EPHA5: variants seen among roughly 807,000 people sequenced by gnomAD.
The protein encoded by EPHA5 is ephrin type-A receptor 5.
EPHA5 carries 60 observed loss-of-function variants against 105.0 expected under a neutral mutation model. The ratio of observed to expected loss-of-function variants is 0.57; its 90% confidence interval spans 0.46 to 0.71. The LOEUF (loss-of-function observed/expected upper bound fraction) is 0.71, where lower values mean the gene tolerates loss of function less well. EPHA5 is among the 30% of genes least tolerant of loss of function. The pLI is 0.00. For missense variants in EPHA5, 1,218 were observed against 1,274.7 expected (o/e 0.96, Z 0.68); for synonymous variants, 513 against 449.1 (o/e 1.14, Z -1.80).
At chr4:65,409,008 CA>C (rs1254636372) in intron 7 of EPHA5, among the ~76,000 whole-genome samples, 3 of 52,348 alleles carry the variant, frequency 5.7e-5, no homozygotes, top group African/African-American at 1.5e-4. Flanking sequence ...ACTATGCAGC[CA>C]TAAAAAAAGG....
At chr4:65,606,369 G>C (rs1273848896) in intron 2 of EPHA5, among the ~76,000 whole-genome samples, 1 of 151,870 alleles carries the variant, frequency 6.6e-6, no homozygotes, top group Non-Finnish European at 1.5e-5. Context: ...CCACTAATTT[G>C]GAATAATTCA....
At chr4:65,464,559 T>C (rs1369719285) in intron 5 of EPHA5, among the ~76,000 whole-genome samples, 1 of 152,124 alleles carries the variant, frequency 6.6e-6, no homozygotes, top group Non-Finnish European at 1.5e-5. Context: ...AAATAATTAC[T>C]GGTAAGATTG....
intron 13 of EPHA5, among the ~76,000 whole-genome samples, chr4:65,348,802 T>TAC (rs1722523256): frequency 3.3e-5 from 2 of 60,008 alleles, no homozygotes; most frequent in African/African-American, 5.7e-5. Flanking sequence ...TGTATATATA[T>TAC]ATATATATAT....
At chr4:65,579,381 T>A (rs1285821407) in intron 3 of EPHA5, among the ~76,000 whole-genome samples, 22 of 136,774 alleles carry the variant, frequency 1.6e-4, no homozygotes, top group African/African-American at 5.9e-4. Context: ...TATATAAATA[T>A]ATATATATAA....
At chr4:65,564,036 G>T (rs1578433348) in intron 3 of EPHA5, among the ~76,000 whole-genome samples, 2 of 151,918 alleles carry the variant, frequency 1.3e-5, no homozygotes, top group East Asian at 3.9e-4. Flanking sequence ...ATCATCTGTT[G>T]TTCAGCCAAC....
intron 3 of EPHA5, among the ~76,000 whole-genome samples, chr4:65,531,020 T>A (rs1182225798): frequency 1.5e-5 from 2 of 135,432 alleles, no homozygotes; most frequent in Non-Finnish European, 3.2e-5. Flanking sequence ...TTTTTATTTT[T>A]TTTATTTTTT....
intron 5 of EPHA5, among the ~76,000 whole-genome samples, chr4:65,473,885 C>CT (rs35439573): frequency 0.68 from 98,703 of 144,312 alleles, 33,843 homozygotes; most frequent in East Asian, 0.83. Flanking sequence ...TTTGTAAGGG[C>CT]TTTTTTTTTT....
At chr4:65,583,427 C>T (rs1385322568) in intron 3 of EPHA5, among the ~76,000 whole-genome samples, 2 of 151,708 alleles carry the variant, frequency 1.3e-5, no homozygotes, top group Non-Finnish European at 3.0e-5. Flanking sequence ...GTGTAGTTTT[C>T]TAGATTGGAA....
intron 8 of EPHA5, among the ~76,000 whole-genome samples, chr4:65,380,407 T>C (rs1413599039): frequency 6.6e-6 from 1 of 151,772 alleles, no homozygotes; most frequent in Non-Finnish European, 1.5e-5. Flanking sequence ...TTGATCAATA[T>C]AGGTATGAAG....
At chr4:65,462,900 A>ATACT (rs1200933147) in intron 5 of EPHA5, among the ~76,000 whole-genome samples, 1 of 152,154 alleles carries the variant, frequency 6.6e-6, no homozygotes, top group East Asian at 1.9e-4. Context: ...TGGGAACTGG[A>ATACT]TACTTAAACA....
chr4:65,360,874 G>C (rs767452037), intron 11 of EPHA5, among the ~76,000 whole-genome samples: 1 of 151,148 alleles, frequency 6.6e-6, no homozygotes, highest in Non-Finnish European at 1.5e-5. Flanking sequence ...AGACACAAAG[G>C]GGGTGACAAA....
At chr4:65,508,414 C>T (rs1477056268) in intron 3 of EPHA5, among the ~76,000 whole-genome samples, 1 of 151,982 alleles carries the variant, frequency 6.6e-6, no homozygotes, top group Non-Finnish European at 1.5e-5. Context: ...AAGGTCTTGG[C>T]CTTGATTGCT....
intron 8 of EPHA5, among the ~76,000 whole-genome samples, chr4:65,391,044 C>G (rs1465634437): frequency 6.6e-6 from 1 of 151,908 alleles, no homozygotes; most frequent in Non-Finnish European, 1.5e-5. Context: ...CATAAGGCAG[C>G]AGGAAGGAGA....
intron 5 of EPHA5, among the ~76,000 whole-genome samples, chr4:65,472,840 C>T (rs1339991247): frequency 6.6e-6 from 1 of 152,210 alleles, no homozygotes; most frequent in African/African-American, 2.4e-5. Flanking sequence ...ACATTTTCCC[C>T]ACTGTCTTTG....
Position 65,322,249 on chromosome 4 carries a change from A to G in EPHA5, c.*1865T>C, listed in dbSNP as rs573187444. ...ATTTTGATGTTTCCTGGTTCTTTAG[A>G]AAAGAGGTACTTTACTGCTTAAGTA... On this transcript the variant is annotated 3_prime_UTR_variant, in exon 17 of 17. Transcript: ENST00000613740. 5.4e-5 allele frequency: 12 copies of G among 224,014 alleles called. No homozygotes were observed. The highest frequency in any genetic ancestry group is 2.2e-4 in the African/African-American group (10 of 44,936). The allele number at this position is 224,014 out of a possible 1,614,324, so 13.9% of individuals were successfully genotyped here. A position where few individuals can be genotyped will look rare whatever the true frequency, so the allele number is the denominator to read the frequency against.
chr4:65,596,681 AACACAC>A (rs71205392), intron 3 of EPHA5, among the ~76,000 whole-genome samples: 55 of 150,402 alleles, frequency 3.7e-4, no homozygotes, highest in African/African-American at 5.4e-4. Flanking sequence ...ACAAAAGCAG[AACACAC>A]ACACACACAC....
In EPHA5 at chr4:65,365,006, A is replaced by G. The variant is rs963783676; in HGVS notation, c.2173+11T>C. 3.1e-6 allele frequency: 5 copies of G among 1,609,102 alleles called. No homozygotes were observed. The Admixed American group carries it at 5.0e-5, about 16-fold the overall frequency. On this transcript the variant is annotated intron_variant, in intron 11 of 16. Transcript: ENST00000613740. ...TATGCACACACATGTATAATTTGCC[A>G]TCATACTTACTTTTGGTCACCACAC...
intron 5 of EPHA5, among the ~76,000 whole-genome samples, chr4:65,431,373 T>G (rs941008185): frequency 6.6e-6 from 1 of 152,154 alleles, no homozygotes; most frequent in South Asian, 2.1e-4. Context: ...ACTTTGATAC[T>G]TCACGATTAA....
intron 2 of EPHA5, among the ~76,000 whole-genome samples, chr4:65,608,929 C>G (rs181786401): frequency 6.6e-6 from 1 of 152,018 alleles, no homozygotes; most frequent in Non-Finnish European, 1.5e-5. Context: ...TAAGGCCACT[C>G]GAGGTCATTT....
Sources: allele counts gnomAD v4.1 joint callset (sites outside exome capture counted in the v4.1 genomes callset), GRCh38; gene constraint gnomAD v4.1.1; transcripts MANE v1.5; gene names NCBI Gene and HGNC (gene_info 2026-07-23, HGNC 2026-07-21).